LARP4B: variants seen among roughly 807,000 people sequenced by gnomAD.
LARP4B encodes La ribonucleoprotein 4B, also known as la-related protein 4B.
LARP4B carries 12 observed loss-of-function variants against 89.8 expected under a neutral mutation model. The ratio of observed to expected loss-of-function variants is 0.13; its 90% CI spans 0.09 to 0.22. The LOEUF (loss-of-function observed/expected upper bound fraction) is 0.22. Ranked by LOEUF, LARP4B falls within the 10% of genes least tolerant of loss-of-function variation. LARP4B has a pLI of 1.00. For synonymous variants in LARP4B, 367 were observed against 363.3 expected, an observed-to-expected ratio of 1.01 and a Z score of -0.12; for missense variants, 757 against 947.7, an observed-to-expected ratio of 0.80 and a Z score of 2.64.
At chr10:975,920 A>G in the LARP4B span, among the ~76,000 whole-genome samples, 4 of 148,500 alleles carry the variant, frequency 2.7e-5, no homozygotes, top group African/African-American at 1.0e-4. Flanking sequence ...CAACGTGTGG[A>G]CCCGGCCTAG....
chr10:847,760 C>T (rs1186317366), intron 5 of LARP4B, among the ~76,000 whole-genome samples: 1 of 152,026 alleles, frequency 6.6e-6, no homozygotes. Context: ...CGAACTCCTG[C>T]CCTCGTGATC....
At chr10:932,373 G>A (rs1477723680), upstream of LARP4B, among the ~76,000 whole-genome samples, 1 of 81,132 alleles carries the variant, frequency 1.2e-5, no homozygotes, top group South Asian at 4.1e-4. Context: ...CCGGGACCAA[G>A]GCCCCGGCCC....
intron 1 of LARP4B, among the ~76,000 whole-genome samples, chr10:894,435 C>T (rs1489376617): frequency 6.6e-6 from 1 of 152,020 alleles, no homozygotes; most frequent in Non-Finnish European, 1.5e-5. Flanking sequence ...TTTTTATTGC[C>T]ACAGAATTAA....
At chr10:887,139 T>G in intron 1 of LARP4B, among the ~76,000 whole-genome samples, 1 of 151,544 alleles carries the variant, frequency 6.6e-6, no homozygotes, top group Admixed American at 6.6e-5. Context: ...GGCTAGCAGG[T>G]AGGGAGGAAA....
In LARP4B at chr10:899,430, T is replaced by G. The variant is rs547286225; in HGVS notation, c.-39-13670A>C. On this transcript the variant is annotated intron_variant, in intron 1 of 17. Coordinates refer to ENST00000316157, the MANE Select transcript of LARP4B (RefSeq NM_015155.3). Reference sequence around the variant, plus strand: ...TCTATTTGCCATGTTCTGCACATTCTATTGCCTTTTCCTGGAACACAGGTA... The same window carrying G: ...TCTATTTGCCATGTTCTGCACATTCGATTGCCTTTTCCTGGAACACAGGTA... 3.9e-5 allele frequency among the ~76,000 whole-genome samples: 6 copies of G among 152,334 alleles called. No homozygotes were observed. In the South Asian group the frequency reaches 1.2e-3, roughly 32 times the overall value.
At position 813,188 on chromosome 10, in the gene LARP4B, T is replaced by G; in HGVS notation, c.1955A>C (p.Glu652Ala). The G allele has an allele frequency of 3.1e-6, 5 of 1,612,004 alleles. No homozygotes were observed. The highest frequency in any genetic ancestry group is 4.2e-6 in the Non-Finnish European group (5 of 1,179,424). The part of the protein sequence containing the change: ...ATELRKPSYA[E>A]ICQRTSKEPP... ...CTCTTTACTCGTTCTCTGACAAATC[T>G]CTGCGTAGCTGGGCTTTCGCAATTC... Residue 652 changes from glutamate to alanine, a missense_variant, in exon 18 of 18, where the codon GAG (glutamate) becomes GCG (alanine). Coordinates refer to ENST00000316157, the MANE Select transcript of LARP4B (RefSeq NM_015155.3).
intron 5 of LARP4B, among the ~76,000 whole-genome samples, chr10:846,774 G>C (rs973485537): frequency 6.6e-6 from 1 of 152,136 alleles, no homozygotes; most frequent in Non-Finnish European, 1.5e-5. Flanking sequence ...CTCTCCAAGC[G>C]ATAGGTGGTG....
At chr10:935,992 C>A (rs562212312), upstream of LARP4B, among the ~76,000 whole-genome samples, 1 of 151,928 alleles carries the variant, frequency 6.6e-6, no homozygotes, top group South Asian at 2.1e-4. Flanking sequence ...AATCTACCTG[C>A]CTCCGCCTCC....
intron 7 of LARP4B, among the ~76,000 whole-genome samples, chr10:838,404 A>T (rs1172296489): frequency 1.3e-5 from 2 of 152,236 alleles, no homozygotes; most frequent in African/African-American, 2.4e-5. Context: ...ATGCACAAAA[A>T]ACTTTAAAAA....
intron 1 of LARP4B, among the ~76,000 whole-genome samples, chr10:891,335 T>C (rs1836013083): frequency 6.6e-6 from 1 of 151,978 alleles, no homozygotes; most frequent in South Asian, 2.1e-4. Flanking sequence ...TTTACTTGGA[T>C]AAAGGAAACA....
chr10:918,048 T>C (rs764683835), intron 1 of LARP4B, among the ~76,000 whole-genome samples: 16 of 152,208 alleles, frequency 1.1e-4, no homozygotes, highest in Admixed American at 3.3e-4. Context: ...TCCAATGTAA[T>C]AGGATTTTTA....
the LARP4B span, chr10:986,536 G>T: frequency 6.6e-6 from 1 of 152,246 alleles, no homozygotes; most frequent in Non-Finnish European, 1.5e-5. Context: ...AGGCAAGGAT[G>T]TTGATTCTCA....
the LARP4B span, among the ~76,000 whole-genome samples, chr10:942,945 CTTTTT>C: frequency 6.8e-5 from 9 of 132,884 alleles, no homozygotes; most frequent in South Asian, 1.5e-3. Flanking sequence ...AAGCTGACTT[CTTTTT>C]TTTTTTTTTT....
intron 5 of LARP4B, among the ~76,000 whole-genome samples, chr10:861,763 CCTAT>C (rs1218410757): frequency 6.6e-6 from 1 of 152,284 alleles, no homozygotes; most frequent in Non-Finnish European, 1.5e-5. Flanking sequence ...CTGTCTACCT[CCTAT>C]CTATCTTCCA....
At chr10:972,642 C>T in the LARP4B span, 1 of 457,348 alleles carries the variant, frequency 2.2e-6, no homozygotes, top group Non-Finnish European at 4.4e-6. Context: ...CATTCCATTT[C>T]TATGTAAGCC....
intron 3 of LARP4B, among the ~76,000 whole-genome samples, chr10:883,740 G>C (rs1835759552): frequency 1.3e-5 from 2 of 150,474 alleles, no homozygotes; most frequent in Non-Finnish European, 2.9e-5. Flanking sequence ...CTCGAGACTA[G>C]CCTGGGCAAC....
chr10:966,184 G>A, the LARP4B span, among the ~76,000 whole-genome samples: 7 of 152,108 alleles, frequency 4.6e-5, no homozygotes, highest in Non-Finnish European at 8.8e-5. Context: ...GCTGGGTGTG[G>A]TGGCTCACAT....
the LARP4B span, among the ~76,000 whole-genome samples, chr10:969,498 G>A: frequency 6.6e-6 from 1 of 152,174 alleles, no homozygotes; most frequent in Non-Finnish European, 1.5e-5. Flanking sequence ...GGGAGGCAGA[G>A]GTGGATAGAT....
At chr10:969,102 TG>T in the LARP4B span, among the ~76,000 whole-genome samples, 8 of 152,296 alleles carry the variant, frequency 5.3e-5, no homozygotes, top group South Asian at 1.7e-3. Context: ...CTCTGTCTTA[TG>T]AGGAATAGTG....
Sources: allele counts gnomAD v4.1 joint callset (sites outside exome capture counted in the v4.1 genomes callset), GRCh38; gene constraint gnomAD v4.1.1; transcripts MANE v1.5; gene names NCBI Gene and HGNC (gene_info 2026-07-23, HGNC 2026-07-21).